STOX1: variants seen among roughly 807,000 people sequenced by gnomAD.
STOX1 encodes storkhead box 1, also known as storkhead-box protein 1.
Under a neutral mutation model 74.8 loss-of-function variants are expected in STOX1, and 57 were observed. The observed-to-expected ratio is 0.76, with a 90% confidence interval of 0.62 to 0.95. The LOEUF is 0.95. STOX1 is among the 40% of genes least tolerant of loss of function. The probability of loss-of-function intolerance (pLI) is 0.00; values close to 1 mark genes in which losing one functional copy is unlikely to be tolerated. For missense variants in STOX1, 1,010 were observed against 1,117.0 expected, an observed-to-expected ratio of 0.90 and a Z score of 1.37; for synonymous variants, 375 against 401.3, an observed-to-expected ratio of 0.93 and a Z score of 0.78.
chr10:68,860,200 G>A (rs572116849), intron 1 of STOX1, among the ~76,000 whole-genome samples: 13 of 151,098 alleles, frequency 8.6e-5, no homozygotes, highest in South Asian at 6.3e-4. Flanking sequence ...CCCAGGAGGC[G>A]GACGTTGCAG....
In STOX1 at chr10:68,886,586, CATGGCAGGAG is replaced by C; in HGVS notation, c.2793_2802del (p.Met931IlefsTer4). The C allele has an allele frequency of 6.2e-7, 1 of 1,614,156 alleles. No individual in the cohort carries two copies. Among genetic ancestry groups the C allele is most frequent in the Non-Finnish European group, 8.5e-7 (1 of 1,180,008 alleles). ...ACTTGGAAGGGACAGAAAATCACAG[CATGGCAGGAG>C]ATAGTGGAATAGATTCTCCACGGTA... On this transcript the variant is annotated frameshift_variant, in exon 3 of 4. Transcript: ENST00000298596. LOFTEE classifies it high-confidence loss of function.
Position 68,828,422 on chromosome 10 carries a change from G to A in STOX1, c.310+489G>A, listed in dbSNP as rs560894361. On this transcript the variant is annotated intron_variant, in intron 1 of 3. Coordinates refer to ENST00000298596, the MANE Select transcript of STOX1 (RefSeq NM_152709.5). ...CTGCGGTTGGGCGGCCGGTCCGGGG[G>A]GCCAAGACGCCCCGGAGACGTTCCC... Among the ~76,000 whole-genome samples, 12 of 152,242 alleles carry A rather than the reference G, an allele frequency of 7.9e-5. No homozygotes were observed. The East Asian group carries it at 2.3e-3, about 30-fold the overall frequency.
intron 1 of STOX1, among the ~76,000 whole-genome samples, chr10:68,849,894 A>G (rs1389067701): frequency 6.6e-6 from 1 of 152,138 alleles, no homozygotes; most frequent in African/African-American, 2.4e-5. Context: ...GACTCTTCAC[A>G]ACCCTAAGAA....
chr10:68,889,916 T>G (rs947085346), intron 3 of STOX1, among the ~76,000 whole-genome samples: 93 of 149,852 alleles, frequency 6.2e-4, no homozygotes, highest in Middle Eastern at 3.5e-3. Context: ...ACTACATGCG[T>G]GAGCCACCAT....
intron 1 of STOX1, among the ~76,000 whole-genome samples, chr10:68,868,455 G>A (rs188837623): frequency 7.2e-5 from 11 of 152,236 alleles, no homozygotes; most frequent in African/African-American, 2.2e-4. Flanking sequence ...TCCACCCTGG[G>A]TGGGCCAGGT....
intron 1 of STOX1, among the ~76,000 whole-genome samples, chr10:68,881,402 T>G (rs1363313622): frequency 6.6e-6 from 1 of 152,240 alleles, no homozygotes; most frequent in Non-Finnish European, 1.5e-5. Context: ...TGGAAAACAC[T>G]TCTGCCTTTC....
Position 68,886,623 on chromosome 10 carries a change from G to A in STOX1, c.2822+5G>A, listed in dbSNP as rs1276208361. ...TAGTGGAATAGATTCTCCACGGTAG[G>A]TCCATACAAAAGTGTCTGATTTAGG... On this transcript the variant is annotated splice_donor_5th_base_variant and intron_variant, in intron 3 of 3. Transcript: ENST00000298596. 5 of 1,613,584 alleles carry A rather than the reference G, an allele frequency of 3.1e-6. No individual in the cohort carries two copies. The highest frequency in any genetic ancestry group is 4.2e-6 in the Non-Finnish European group (5 of 1,179,836).
intron 1 of STOX1, among the ~76,000 whole-genome samples, chr10:68,860,365 A>G (rs1422783121): frequency 5.3e-5 from 8 of 151,738 alleles, no homozygotes; most frequent in South Asian, 4.2e-4. Context: ...TGAGGTCAGG[A>G]GTTTGAGACC....
chr10:68,838,294 T>C (rs1311702838), intron 1 of STOX1, among the ~76,000 whole-genome samples: 2 of 152,180 alleles, frequency 1.3e-5, no homozygotes, highest in South Asian at 2.1e-4. Flanking sequence ...GTTGAACTCC[T>C]GGGCTCGAGT....
At chr10:68,883,374 A>T (rs1216917690) in intron 2 of STOX1, among the ~76,000 whole-genome samples, 8 of 152,054 alleles carry the variant, frequency 5.3e-5, no homozygotes, top group Non-Finnish European at 4.4e-5. Context: ...TCATTAACCT[A>T]CCCATATGAC....
At chr10:68,858,092 A>G (rs1840170763) in intron 1 of STOX1, among the ~76,000 whole-genome samples, 1 of 152,146 alleles carries the variant, frequency 6.6e-6, no homozygotes, top group Admixed American at 6.5e-5. Context: ...TTGTTGTGTC[A>G]GTGTGCAAAG....
At chr10:68,828,376 G>C (rs1839320458) in intron 1 of STOX1, 1 of 883,712 alleles carries the variant, frequency 1.1e-6, no homozygotes, top group Non-Finnish European at 1.4e-6. Context: ...GAGGCTAGGC[G>C]CTGCTCTGAG....
chr10:68,866,600 A>G (rs988886362), intron 1 of STOX1, among the ~76,000 whole-genome samples: 1 of 152,148 alleles, frequency 6.6e-6, no homozygotes, highest in Non-Finnish European at 1.5e-5. Context: ...CCCCATTACA[A>G]TCCCAGTCAA....
chr10:68,832,294 C>G (rs912779424), intron 1 of STOX1, among the ~76,000 whole-genome samples: 1 of 152,216 alleles, frequency 6.6e-6, no homozygotes, highest in Admixed American at 6.5e-5. Flanking sequence ...CTTGGCCAAA[C>G]AAGTTTGTTC....
intron 1 of STOX1, chr10:68,828,929 C>G: frequency 1.0e-6 from 1 of 984,024 alleles, no homozygotes; most frequent in Non-Finnish European, 1.2e-6. Flanking sequence ...AAAATAGCTT[C>G]TCATTTGAGA....
intron 3 of STOX1, 62 bp from the exon 4 acceptor site, chr10:68,892,527 C>A: frequency 6.8e-7 from 1 of 1,480,322 alleles, no homozygotes; most frequent in Non-Finnish European, 9.4e-7. Context: ...AAGTATAATG[C>A]CTTGGTTAGA....
intron 1 of STOX1, among the ~76,000 whole-genome samples, chr10:68,845,250 G>A (rs1013232310): frequency 7.3e-5 from 11 of 150,426 alleles, no homozygotes; most frequent in Non-Finnish European, 1.6e-4. Context: ...GACTACAGTT[G>A]CGCACCACAA....
rs749496047 is a variant in STOX1 at position 68,885,329 on chromosome 10, C to T, written c.1533C>T (p.His511=). 4 of 1,614,034 alleles carry T rather than the reference C, an allele frequency of 2.5e-6. No individual in the cohort carries two copies. The highest frequency in any genetic ancestry group is 2.2e-5 in the South Asian group (2 of 91,088). ...GAGGAAGCACAATATCCAAAGGGCA[C>T]AAAATTCAGAAGACGAGTGATCTGA... ...SHRGSTISKG[H]KIQKTSDLKP... The change falls in exon 3 of 4, where the codon CAC becomes CAT. Residue 511 remains histidine, a synonymous_variant. Transcript: ENST00000298596.
At position 68,882,090 on chromosome 10, in the gene STOX1, GT is replaced by G; in HGVS notation, c.446del (p.Leu149Ter). On this transcript the variant is annotated frameshift_variant, in exon 2 of 4. Transcript: ENST00000298596. LOFTEE classifies it high-confidence loss of function. Reference protein sequence around the residue: ...IVVTQESLLERLMKHYPGIAI... With the variant: ...IVVTQESLLEXLMKHYPGIAI... The stretch of plus-strand genomic sequence containing the variant: ...GTAACGCAGGAATCACTTTTGGAGC[GT>G]TTGATGAAACATTACCCAGGTAGAG... 6.2e-7 allele frequency: 1 copy of G among 1,613,796 alleles called. No individual in the cohort carries two copies.
Sources: gnomAD v4.1 joint callset for allele counts (sites outside exome capture counted in the v4.1 genomes callset) on GRCh38, gnomAD v4.1.1 for gene constraint, MANE v1.5 for transcripts, NCBI Gene and HGNC (gene_info 2026-07-23, HGNC 2026-07-21) for gene names.